The following CDH7 variants were observed in gnomAD, a reference collection of about 807,000 sequenced individuals.
CDH7 encodes the protein cadherin-7.
Under a neutral mutation model 71.8 loss-of-function variants are expected in CDH7, and 25 were observed. The observed-to-expected ratio is 0.35, with a 90% CI of 0.25 to 0.49. The LOEUF (loss-of-function observed/expected upper bound fraction) is 0.49. Among genes scored for constraint, CDH7 ranks in the 20% least tolerant of loss-of-function variants. CDH7 has a pLI of 0.99. For missense variants in CDH7, 862 were observed against 974.6 expected (o/e 0.88, Z 1.54); for synonymous variants, 381 against 363.8 (o/e 1.05, Z -0.54).
chr18:65,830,578 T>G, intron 6 of CDH7, among the ~76,000 whole-genome samples: 1 of 144,258 alleles, frequency 6.9e-6, no homozygotes. Context: ...CTCTCCTTCC[T>G]TCCCTCTCTC....
intron 6 of CDH7, among the ~76,000 whole-genome samples, chr18:65,838,270 A>T (rs1912605205): frequency 1.3e-5 from 2 of 152,196 alleles, no homozygotes; most frequent in African/African-American, 4.8e-5. Flanking sequence ...TTATTTTCCC[A>T]TAGGTATGGT....
intron 6 of CDH7, among the ~76,000 whole-genome samples, chr18:65,832,293 T>C (rs896606126): frequency 2.6e-5 from 4 of 152,116 alleles, no homozygotes; most frequent in Non-Finnish European, 5.9e-5. Context: ...GAATGTATTA[T>C]ACTTGGCATA....
intron 2 of CDH7, among the ~76,000 whole-genome samples, chr18:65,769,119 C>G (rs1916468813): frequency 6.6e-6 from 1 of 152,120 alleles, no homozygotes; most frequent in Admixed American, 6.5e-5. Context: ...GGAGGTGGTT[C>G]CCACAGAGGA....
rs556002755 is a variant in CDH7 at position 65,882,023 on chromosome 18, G to C, written c.*1129G>C. 1 of 104,416 alleles carries C rather than the reference G, an allele frequency of 9.6e-6. No individual in the cohort carries two copies. The highest frequency in any genetic ancestry group is 2.0e-5 in the Non-Finnish European group (1 of 50,326). 6.5% of individuals were successfully genotyped at this position (104,416 alleles called of 1,614,324 possible). Reference sequence around the variant, plus strand: ...CAAGAATTATTTTTCAAGATCATGAGTTCTACATGCTCCAAAGACGATTTC... The same window carrying C: ...CAAGAATTATTTTTCAAGATCATGACTTCTACATGCTCCAAAGACGATTTC... On this transcript the variant is annotated 3_prime_UTR_variant, in exon 12 of 12. Transcript: ENST00000397968.
intron 11 of CDH7, among the ~76,000 whole-genome samples, chr18:65,867,752 G>A (rs987182013): frequency 5.9e-5 from 9 of 152,154 alleles, no homozygotes; most frequent in Non-Finnish European, 1.0e-4. Context: ...AAGTCTTCTA[G>A]CGTTCCTTCC....
rs1026701702 is a variant in CDH7, at chr18:65,832,984, C to T, written c.981+8153C>T. On this transcript the variant is annotated intron_variant, in intron 6 of 11. Coordinates refer to ENST00000397968, the MANE Select transcript of CDH7 (RefSeq NM_004361.5). ...TCCCTATGAAAGATAACTATGCATC[C>T]GGTATCTGACATGTGATTTATTTGG... Among the ~76,000 whole-genome samples the T allele has an allele frequency of 5.3e-5, 8 of 152,128 alleles. No individual in the cohort carries two copies. The South Asian group carries it at 6.2e-4, about 12-fold the overall frequency.
In CDH7 at chr18:65,757,790, TA is replaced by T. The variant is rs61081384; in HGVS notation, c.-196-4856del. 5.4e-3 allele frequency among the ~76,000 whole-genome samples: 729 copies of T among 135,376 alleles called. 7 individuals carry two copies. Among genetic ancestry groups the T allele is most frequent in the African/African-American group, 0.022 (655 of 30,452 alleles). 88.8% of individuals were successfully genotyped at this position (135,376 alleles called of 152,430 possible). On this transcript the variant is annotated intron_variant, in intron 1 of 11. Coordinates refer to ENST00000397968, the MANE Select transcript of CDH7 (RefSeq NM_004361.5). ...TCAACTGTATATCCATATATATATA[TA>T]TTTTTTTTTTCTGCACTTTTTAAAG... is the stretch of plus-strand genomic sequence containing the variant.
chr18:65,821,849 A>G (rs1398655260), intron 4 of CDH7, among the ~76,000 whole-genome samples: 1 of 152,068 alleles, frequency 6.6e-6, no homozygotes, highest in Non-Finnish European at 1.5e-5. Context: ...CCTAAAGATA[A>G]TCCTCTTTAT....
intron 6 of CDH7, among the ~76,000 whole-genome samples, chr18:65,827,513 A>G (rs573830735): frequency 4.6e-5 from 7 of 151,916 alleles, no homozygotes; most frequent in Non-Finnish European, 1.0e-4. Flanking sequence ...ACACCAGTAG[A>G]CAGTTCAGAT....
chr18:65,884,526 A>T lies in CDH7; in HGVS notation c.*3632A>T, dbSNP rs1294496974. The T allele has an allele frequency of 6.6e-6, 1 of 152,208 alleles. No individual in the cohort carries two copies. The highest frequency in any genetic ancestry group is 1.5e-5 in the Non-Finnish European group (1 of 68,028). 9.4% of individuals were successfully genotyped at this position (152,208 alleles called of 1,614,324 possible). A position where few individuals can be genotyped will look rare whatever the true frequency, so the allele number is the denominator to read the frequency against. Reference sequence around the variant, plus strand: ...CTCTGAGGAAGTTTTAAATTATTTTATCTTCATGCACAATTACATTTACTA... The same window carrying T: ...CTCTGAGGAAGTTTTAAATTATTTTTTCTTCATGCACAATTACATTTACTA... On this transcript the variant is annotated 3_prime_UTR_variant, in exon 12 of 12. Transcript: ENST00000397968.
At position 65,880,727 on chromosome 18, in the gene CDH7, C is replaced by A; in HGVS notation, c.2191C>A (p.Gln731Lys). The A allele has an allele frequency of 6.2e-7, 1 of 1,614,006 alleles. No homozygotes were observed. The highest frequency in any genetic ancestry group is 8.5e-7 in the Non-Finnish European group (1 of 1,179,912). The change falls in exon 12 of 12, where the codon CAG becomes AAG. Residue 731 changes from glutamine (Q) to lysine (K), a missense_variant. Gln to Lys is a moderately conservative substitution (Grantham distance 53). Transcript: ENST00000397968. ...TGGTGCTCCTCCTTATGACTCCCTGCAGACATATGCTTTTGAAGGAAATGG... is the reference window on the plus strand; with the variant it reads ...TGGTGCTCCTCCTTATGACTCCCTGAAGACATATGCTTTTGAAGGAAATGG... ...DPGAPPYDSL[Q>K]TYAFEGNGSV...
chr18:65,829,466 TAA>T (rs35511160), intron 6 of CDH7, among the ~76,000 whole-genome samples: 2 of 144,750 alleles, frequency 1.4e-5, no homozygotes, highest in Admixed American at 6.9e-5. Context: ...TAGGTAAAAT[TAA>T]AAAAAAAAAA....
chr18:65,840,980 A>G (rs1300253714), intron 6 of CDH7, among the ~76,000 whole-genome samples: 2 of 152,172 alleles, frequency 1.3e-5, no homozygotes, highest in Non-Finnish European at 2.9e-5. Flanking sequence ...ATGAGAAGTC[A>G]TATAAAAAGT....
intron 7 of CDH7, among the ~76,000 whole-genome samples, chr18:65,849,928 C>T (rs1180570600): frequency 6.6e-6 from 1 of 151,752 alleles, no homozygotes; most frequent in Admixed American, 6.6e-5. Flanking sequence ...TTTTGGGAGG[C>T]CGAGATGGGT....
chr18:65,889,751 CTG>C lies in CDH7; in HGVS notation c.*8860_*8861del, dbSNP rs1422451000. ...GAGATTGTATATACTATATTAGACA[CTG>C]TGCAAGAAGGAACTTGTGAAGCTAA... On this transcript the variant is annotated 3_prime_UTR_variant, in exon 12 of 12. Coordinates refer to ENST00000397968, the MANE Select transcript of CDH7 (RefSeq NM_004361.5). 1 of 152,092 alleles carries C rather than the reference CTG, an allele frequency of 6.6e-6. No homozygotes were observed. Among genetic ancestry groups the C allele is most frequent in the African/African-American group, 2.4e-5 (1 of 41,420 alleles). 9.4% of individuals were successfully genotyped at this position (152,092 alleles called of 1,614,324 possible). A position where few individuals can be genotyped will look rare whatever the true frequency, so the allele number is the denominator to read the frequency against.
rs5825650 is a variant in CDH7 at position 65,824,035 on chromosome 18, CT to C, written c.794-597del. ...TTAGAAGTTATTTTTTTCTCTTTCA[CT>C]TTTTTTTTTTTCAGTTCAACTAATA... On this transcript the variant is annotated intron_variant, in intron 5 of 11. Coordinates refer to ENST00000397968, the MANE Select transcript of CDH7 (RefSeq NM_004361.5). 5.4e-3 allele frequency among the ~76,000 whole-genome samples: 792 copies of C among 145,540 alleles called. 10 individuals carry two copies. The highest frequency in any genetic ancestry group is 0.013 in the African/African-American group (521 of 40,024).
rs554807748 is a variant in CDH7 at position 65,821,398 on chromosome 18, TA to T, written c.626-679del. On this transcript the variant is annotated intron_variant, in intron 4 of 11. Coordinates refer to ENST00000397968, the MANE Select transcript of CDH7 (RefSeq NM_004361.5). ...ATTATAATATTTCAAAGATCAATTA[TA>T]AAATATGTAGACACACATAAGGATT... Among the ~76,000 whole-genome samples, 779 of 152,242 alleles carry T rather than the reference TA, an allele frequency of 5.1e-3. 7 individuals carry two copies. The highest frequency in any genetic ancestry group is 7.0e-3 in the Non-Finnish European group (477 of 67,984).
intron 9 of CDH7, 92 bp from the exon 10 acceptor site, chr18:65,859,616 T>A: frequency 4.1e-6 from 3 of 736,708 alleles, no homozygotes; most frequent in Non-Finnish European, 4.9e-6. Context: ...GAGATGGTAT[T>A]TATTATAAAG....
intron 4 of CDH7, among the ~76,000 whole-genome samples, chr18:65,818,250 G>A (rs1213404478): frequency 1.3e-5 from 2 of 152,016 alleles, no homozygotes; most frequent in African/African-American, 2.4e-5. Context: ...ATGCTATAAG[G>A]TTTTGAGTTT....
Sources: gnomAD v4.1 joint callset for allele counts (sites outside exome capture counted in the v4.1 genomes callset) on GRCh38, gnomAD v4.1.1 for gene constraint, MANE v1.5 for transcripts, NCBI Gene and HGNC (gene_info 2026-07-23, HGNC 2026-07-21) for gene names.